Variants in WAC observed in about 807,000 individuals in gnomAD.
WAC encodes WW domain containing adaptor with coiled-coil.
In WAC, 11 loss-of-function variants were observed where a neutral mutation model predicts 79.6. The ratio of observed to expected loss-of-function variants is 0.14; its 90% confidence interval spans 0.09 to 0.23. The LOEUF is 0.23. WAC is among the 10% of genes least tolerant of loss of function. The pLI is 1.00. For synonymous variants in WAC, 304 were observed against 276.9 expected (o/e 1.10, Z -0.97); for missense variants, 728 against 773.5 (o/e 0.94, Z 0.70).
upstream of WAC, chr10:28,532,945 G>C (rs1836339343): frequency 6.5e-6 from 1 of 153,178 alleles, no homozygotes; most frequent in Admixed American, 6.5e-5. Flanking sequence ...GAAGGAAAGG[G>C]CAGACTGGTC....
At chr10:28,539,526 C>G (rs1443481783) in intron 3 of WAC, among the ~76,000 whole-genome samples, 4 of 151,280 alleles carry the variant, frequency 2.6e-5, no homozygotes, top group African/African-American at 9.7e-5. Flanking sequence ...TTTAAAGTAA[C>G]CAAAAGCAAA....
At chr10:28,551,356 G>C (rs188630799) in intron 3 of WAC, among the ~76,000 whole-genome samples, 1 of 152,146 alleles carries the variant, frequency 6.6e-6, no homozygotes, top group Non-Finnish European at 1.5e-5. Flanking sequence ...AAAGAATGCA[G>C]CTATTACATG....
intron 3 of WAC, among the ~76,000 whole-genome samples, chr10:28,537,294 T>C (rs1836732834): frequency 6.6e-6 from 1 of 152,220 alleles, no homozygotes; most frequent in Admixed American, 6.5e-5. Context: ...AAGTTTTCCA[T>C]AGTATTATGT....
intron 7 of WAC, 60 bp from the exon 8 acceptor site, chr10:28,608,126 A>G (rs1841049899): frequency 6.3e-7 from 1 of 1,594,030 alleles, no homozygotes; most frequent in Non-Finnish European, 8.6e-7. Flanking sequence ...TGTTCCTTTG[A>G]TGTTTGTTCC....
At chr10:28,603,967 A>T (rs1291639689) in intron 7 of WAC, among the ~76,000 whole-genome samples, 1 of 40,178 alleles carries the variant, frequency 2.5e-5, no homozygotes, top group Non-Finnish European at 5.7e-5. Context: ...GTATGTATAT[A>T]TATATATATA....
At chr10:28,612,844 ATG>A (rs2132840908) in intron 10 of WAC, among the ~76,000 whole-genome samples, 1 of 152,332 alleles carries the variant, frequency 6.6e-6, no homozygotes, top group South Asian at 2.1e-4. Flanking sequence ...AAGAATTAAA[ATG>A]TGAGTTTTGG....
intron 4 of WAC, among the ~76,000 whole-genome samples, chr10:28,585,543 TC>T (rs1564401825): frequency 6.6e-6 from 1 of 151,278 alleles, no homozygotes; most frequent in Non-Finnish European, 1.5e-5. Context: ...CTTTTTCCTT[TC>T]TTTTTTTTTT....
chr10:28,537,942 CT>C (rs1159451006), intron 3 of WAC, among the ~76,000 whole-genome samples: 1 of 152,162 alleles, frequency 6.6e-6, no homozygotes, highest in Non-Finnish European at 1.5e-5. Flanking sequence ...TTCCAATTTT[CT>C]TTCTAGCTGA....
chr10:28,543,611 G>A (rs911550336), intron 3 of WAC, among the ~76,000 whole-genome samples: 1 of 152,206 alleles, frequency 6.6e-6, no homozygotes, highest in Non-Finnish European at 1.5e-5. Flanking sequence ...TATTTTGTAT[G>A]CTTGACTTCT....
chr10:28,608,004 A>G (rs1327678554), intron 7 of WAC, among the ~76,000 whole-genome samples, 182 bp from the exon 8 acceptor site: 1 of 152,166 alleles, frequency 6.6e-6, no homozygotes, highest in Non-Finnish European at 1.5e-5. Flanking sequence ...AGGGTGAGAA[A>G]TGTCTAAATC....
intron 3 of WAC, among the ~76,000 whole-genome samples, chr10:28,553,925 G>A (rs1837842340): frequency 6.6e-6 from 1 of 152,130 alleles, no homozygotes; most frequent in Non-Finnish European, 1.5e-5. Context: ...CTGGAGTGCA[G>A]TGGTGCTATT....
chr10:28,540,288 A>G (rs1836937805), intron 3 of WAC, among the ~76,000 whole-genome samples: 1 of 152,224 alleles, frequency 6.6e-6, no homozygotes, highest in African/African-American at 2.4e-5. Flanking sequence ...CAGTCTAGAA[A>G]CTAGTTCTCT....
chr10:28,559,861 C>T (rs1589154174), intron 3 of WAC, among the ~76,000 whole-genome samples: 1 of 152,174 alleles, frequency 6.6e-6, no homozygotes, highest in Non-Finnish European at 1.5e-5. Context: ...AAAGGGTTCA[C>T]ATTCCTCAGA....
chr10:28,538,866 TAAAAAAAAAA>T (rs5784069), intron 3 of WAC, among the ~76,000 whole-genome samples: 12 of 126,904 alleles, frequency 9.5e-5, no homozygotes, highest in Admixed American at 1.6e-4. Flanking sequence ...CCCGTCTGTT[TAAAAAAAAAA>T]AAAAAAAAGA....
chr10:28,606,874 T>A (rs1840981624), intron 7 of WAC, among the ~76,000 whole-genome samples: 1 of 152,222 alleles, frequency 6.6e-6, no homozygotes, highest in Non-Finnish European at 1.5e-5. Flanking sequence ...CCAGTGTGGT[T>A]ATATCAATTT....
In WAC at chr10:28,614,654, C is replaced by T. The variant is rs539246344; in HGVS notation, c.1525C>T (p.Pro509Ser). 6.2e-7 allele frequency: 1 copy of T among 1,614,132 alleles called. No individual in the cohort carries two copies. The highest frequency in any genetic ancestry group is 2.2e-5 in the East Asian group (1 of 44,872). The change falls in exon 11 of 14, where the codon CCT (proline) becomes TCT (serine). Residue 509 changes from proline to serine, a missense_variant. This residue lies in a region of WAC where 648 missense variants were observed against 661.5 expected (regional missense o/e 0.98). Coordinates refer to ENST00000354911, the MANE Select transcript of WAC (RefSeq NM_016628.5). ...VTADKQQGHE[P>S]VSPRSLQRSS... ...TGCTGACAAGCAGCAAGGTCATGAA[C>T]CTGTCTCTCCTCGAAGTCTTCAGCG...
intron 5 of WAC, 82 bp from the exon 6 acceptor site, chr10:28,590,638 G>C: frequency 8.9e-7 from 1 of 1,118,594 alleles, no homozygotes; most frequent in Non-Finnish European, 1.3e-6. Flanking sequence ...CCATTTGTTA[G>C]GCATTTGGCC....
At chr10:28,608,678 CTGG>C (rs1260011345) in intron 8 of WAC, 8 of 444,062 alleles carry the variant, frequency 1.8e-5, no homozygotes, top group Non-Finnish European at 3.2e-5. Flanking sequence ...TGTTATGTGT[CTGG>C]TAGTTACTGG....
intron 3 of WAC, among the ~76,000 whole-genome samples, chr10:28,546,388 G>A (rs1453741550): frequency 1.3e-5 from 2 of 152,202 alleles, no homozygotes; most frequent in Non-Finnish European, 2.9e-5. Flanking sequence ...GAAGAAAGCT[G>A]GAGAAGTTGG....
Sources: gnomAD v4.1 joint callset for allele counts (sites outside exome capture counted in the v4.1 genomes callset) on GRCh38, gnomAD v4.1.1 for gene constraint, gnomAD v4.1.1 regional missense constraint, MANE v1.5 for transcripts, NCBI Gene and HGNC (gene_info 2026-07-23, HGNC 2026-07-21) for gene names.